IL24: variants seen among roughly 807,000 people sequenced by gnomAD.
The protein encoded by IL24 is interleukin-24.
IL24 carries 24 observed loss-of-function variants against 27.6 expected under a neutral mutation model. The observed-to-expected ratio is 0.87, with a 90% CI of 0.63 to 1.22. The LOEUF (loss-of-function observed/expected upper bound fraction) is 1.22, where lower values mean the gene tolerates loss of function less well. IL24 is among the 50% of genes most tolerant of loss of function. The probability of loss-of-function intolerance (pLI) is 0.00; values close to 1 mark genes in which losing one functional copy is unlikely to be tolerated. For missense variants in IL24, 240 were observed against 237.0 expected (o/e 1.01, Z -0.08); for synonymous variants, 99 against 93.1 (o/e 1.06, Z -0.36).
At chr1:206,901,784 A>G in intron 5 of IL24, 132 bp downstream of exon 5, 1 of 845,290 alleles carries the variant, frequency 1.2e-6, no homozygotes, top group East Asian at 2.6e-5. Flanking sequence ...AATGGGGATG[A>G]TCACTCCTGC....
In IL24 at chr1:206,903,294, A is replaced by G. The variant is rs1558642889; in HGVS notation, c.*235A>G. 2.2e-6 allele frequency: 1 copy of G among 448,418 alleles called. No individual in the cohort carries two copies. The highest frequency in any genetic ancestry group is 3.7e-5 in the Admixed American group (1 of 26,794). The allele number at this position is 448,418 out of a possible 1,614,324, so 27.8% of individuals were successfully genotyped here. On this transcript the variant is annotated 3_prime_UTR_variant, in exon 7 of 7. Coordinates refer to ENST00000294984, the MANE Select transcript of IL24 (RefSeq NM_006850.3). ...AGAGAAGATTCTTGTATTTATTACA[A>G]CTCTATTTAATTAATGTCAGTATTT...
intron 6 of IL24, chr1:206,902,371 G>A: frequency 1.0e-6 from 1 of 985,394 alleles, no homozygotes; most frequent in Middle Eastern, 5.2e-4. Context: ...GAAGTCAGAA[G>A]AGAGGGAGAA....
chr1:206,903,005 C>T lies in IL24; in HGVS notation c.567C>T (p.Ala189=). Residue 189 remains alanine, a synonymous_variant, in exon 7 of 7, where the codon GCC becomes GCT. Transcript: ENST00000294984. The stretch of plus-strand genomic sequence containing the variant: ...ACGTAGAAGCAGCTCTGACCAAAGC[C>T]CTTGGGGAAGTGGACATTCTTCTGA... ...QLDVEAALTK[A]LGEVDILLTW... The T allele has an allele frequency of 1.2e-6, 2 of 1,614,182 alleles. No homozygotes were observed. The highest frequency in any genetic ancestry group is 1.1e-5 in the South Asian group (1 of 91,082).
intron 2 of IL24, among the ~76,000 whole-genome samples, chr1:206,898,277 C>T (rs746652651): frequency 2.6e-5 from 4 of 151,774 alleles, no homozygotes; most frequent in African/African-American, 7.3e-5. Context: ...ACCCAGGGGT[C>T]GCCGCCTCCC....
chr1:206,902,365 T>A (rs1678425085), intron 6 of IL24: 2 of 985,110 alleles, frequency 2.0e-6, no homozygotes, highest in Non-Finnish European at 2.4e-6. Context: ...GCAACTGAAG[T>A]CAGAAGAGAG....
chr1:206,900,917 A>G (rs1036672248), intron 4 of IL24, among the ~76,000 whole-genome samples: 4 of 151,958 alleles, frequency 2.6e-5, no homozygotes, highest in Non-Finnish European at 4.4e-5. Context: ...TTTCACCACA[A>G]TCAGGTAGAG....
Position 206,901,478 on chromosome 1 carries a change from C to T in IL24, c.304-16C>T. ...GGCAGAGGCCTTGGCTCAGCAGTGACCCAGACCTTCCCCAGGATGCTGAGA... is the reference window on the plus strand; with the variant it reads ...GGCAGAGGCCTTGGCTCAGCAGTGATCCAGACCTTCCCCAGGATGCTGAGA... On this transcript the variant is annotated splice_polypyrimidine_tract_variant and intron_variant, in intron 4 of 6. Coordinates refer to ENST00000294984, the MANE Select transcript of IL24 (RefSeq NM_006850.3). 1 of 1,604,712 alleles carries T rather than the reference C, an allele frequency of 6.2e-7. No homozygotes were observed. Among genetic ancestry groups the T allele is most frequent in the Non-Finnish European group, 8.5e-7 (1 of 1,175,046 alleles).
At chr1:206,898,910 C>G (rs1678260936) in intron 2 of IL24, among the ~76,000 whole-genome samples, 1 of 152,180 alleles carries the variant, frequency 6.6e-6, no homozygotes, top group Admixed American at 6.5e-5. Context: ...CTTGGATAAG[C>G]ACATGTCTAG....
intron 6 of IL24, 114 bp from the exon 7 acceptor site, chr1:206,902,862 C>T (rs1213298978): frequency 6.9e-6 from 11 of 1,584,378 alleles, no homozygotes; most frequent in Non-Finnish European, 9.4e-6. Context: ...GGGCTCATCC[C>T]AAAGGTGACC....
chr1:206,900,318 T>G lies in IL24; in HGVS notation c.264T>G (p.Ser88Arg). ...AGCAAGCTCAGGATAACATCACGAG[T>G]GCCCGGCTGCTGCAGCAGGAGGTTC... is the stretch of plus-strand genomic sequence containing the variant. ...DTMQAQDNIT[S>R]ARLLQQEVLQ... The change falls in exon 4 of 7, where the codon AGT (serine) becomes AGG (arginine). Residue 88 changes from serine (S) to arginine (R), a missense_variant. Coordinates refer to ENST00000294984, the MANE Select transcript of IL24 (RefSeq NM_006850.3). 2 of 1,613,796 alleles carry G rather than the reference T, an allele frequency of 1.2e-6. No homozygotes were observed. The highest frequency in any genetic ancestry group is 1.7e-6 in the Non-Finnish European group (2 of 1,179,936).
chr1:206,899,547 G>A lies in IL24; in HGVS notation c.240+32G>A, dbSNP rs776837465. 79 of 1,506,838 alleles carry A rather than the reference G, an allele frequency of 5.2e-5. No homozygotes were observed. In the Middle Eastern group the frequency reaches 1.1e-3, roughly 21 times the overall value. 93.3% of individuals were successfully genotyped at this position (1,506,838 alleles called of 1,614,324 possible). On this transcript the variant is annotated intron_variant, in intron 3 of 6. Transcript: ENST00000294984. ...AAAGTGCTGTTCTGGACCCAGTCGT[G>A]GGGGTTCCTGGGGGCAGTGGGCCAG...
rs762222981 is a variant in IL24 at position 206,902,955 on chromosome 1, T to C, written c.538-21T>C. On this transcript the variant is annotated intron_variant, in intron 6 of 6. Transcript: ENST00000294984. ...TTCTCATAGCTAACATGGCTGACCT[T>C]CAACCCTCTTTTCCCTTTAGTTGGA... 6 of 1,614,030 alleles carry C rather than the reference T, an allele frequency of 3.7e-6. No individual in the cohort carries two copies. The African/African-American group carries it at 8.0e-5, about 22-fold the overall frequency.
chr1:206,901,132 A>G (rs927947623), intron 4 of IL24, among the ~76,000 whole-genome samples: 8 of 152,202 alleles, frequency 5.3e-5, no homozygotes, highest in African/African-American at 1.7e-4. Flanking sequence ...GTCCAAGTTC[A>G]AGCCCTTTTC....
Position 206,899,518 on chromosome 1 carries a change from G to T in IL24, c.240+3G>T, listed in dbSNP as rs1485687139. On this transcript the variant is annotated splice_donor_region_variant and intron_variant, in intron 3 of 6. Coordinates refer to ENST00000294984, the MANE Select transcript of IL24 (RefSeq NM_006850.3). ...TCTGGGCTGTGAAAGACACTATGGT[G>T]AGTAAAGTGCTGTTCTGGACCCAGT... is the stretch of plus-strand genomic sequence containing the variant. 3 of 1,589,114 alleles carry T rather than the reference G, an allele frequency of 1.9e-6. No individual in the cohort carries two copies. The South Asian group carries it at 3.5e-5, about 18-fold the overall frequency.
Position 206,901,582 on chromosome 1 carries a change from T to G in IL24, c.392T>G (p.Val131Gly), listed in dbSNP as rs1189539733. 10 of 1,614,066 alleles carry G rather than the reference T, an allele frequency of 6.2e-6. No homozygotes were observed. The highest frequency in any genetic ancestry group is 8.5e-6 in the Non-Finnish European group (10 of 1,180,028). ...FKNYHNRTVEVRTLKSFSTLA... is the reference protein window; with the variant it reads ...FKNYHNRTVEGRTLKSFSTLA... ...AACTACCACAATAGAACAGTTGAAG[T>G]CAGGACTCTGAAGTCATTCTCTACT... The change falls in exon 5 of 7, where the codon GTC becomes GGC. Residue 131 changes from valine to glycine, a missense_variant. Transcript: ENST00000294984.
At position 206,903,083 on chromosome 1, in the gene IL24, C is replaced by T. The variant is rs1678461827; in HGVS notation, c.*24C>T. On this transcript the variant is annotated 3_prime_UTR_variant, in exon 7 of 7. Transcript: ENST00000294984. ...GAATGTCTAGACCAGGACCTCCCTC[C>T]CCCTGGCACTGGTTTGTTCCCTGTG... 6.3e-7 allele frequency: 1 copy of T among 1,579,290 alleles called. No homozygotes were observed. The highest frequency in any genetic ancestry group is 8.7e-7 in the Non-Finnish European group (1 of 1,148,142).
intron 2 of IL24, 46 bp downstream of exon 2, chr1:206,897,922 G>C (rs1678222383): frequency 3.8e-6 from 5 of 1,308,322 alleles, no homozygotes; most frequent in Non-Finnish European, 5.4e-6. Flanking sequence ...GGAGGCTGAG[G>C]TGGGCAGATC....
At chr1:206,902,945 T>G in intron 6 of IL24, 31 bp from the exon 7 acceptor site, 1 of 1,614,134 alleles carries the variant, frequency 6.2e-7, no homozygotes, top group Non-Finnish European at 8.5e-7. Context: ...ATAGCTAACA[T>G]GGCTGACCTT....
At chr1:206,900,151 C>T (rs1161910017) in intron 3 of IL24, 144 bp from the exon 4 acceptor site, 2 of 745,242 alleles carry the variant, frequency 2.7e-6, no homozygotes, top group Non-Finnish European at 4.6e-6. Context: ...CCCAGTCCTT[C>T]CTGGGTCCTC....
Sources: allele counts gnomAD v4.1 joint callset (sites outside exome capture counted in the v4.1 genomes callset), GRCh38; gene constraint gnomAD v4.1.1; transcripts MANE v1.5; gene names NCBI Gene and HGNC (gene_info 2026-07-23, HGNC 2026-07-21).